PCBP3: variants seen among roughly 807,000 people sequenced by gnomAD.
PCBP3 encodes poly(rC)-binding protein 3.
Under a neutral mutation model 52.7 loss-of-function variants are expected in PCBP3, and 25 were observed. The observed-to-expected ratio is 0.47, with a 90% confidence interval of 0.35 to 0.66. PCBP3 has a LOEUF of 0.66. Among genes scored for constraint, PCBP3 ranks in the 30% least tolerant of loss-of-function variants. PCBP3 has a pLI of 0.01. For synonymous variants in PCBP3, 162 were observed against 183.0 expected (o/e 0.89, Z 0.93); for missense variants, 391 against 490.3 (o/e 0.80, Z 1.91).
At chr21:45,718,470 C>T (rs1329813554) in intron 2 of PCBP3, among the ~76,000 whole-genome samples, 1 of 151,884 alleles carries the variant, frequency 6.6e-6, no homozygotes, top group Non-Finnish European at 1.5e-5. Context: ...GTGTTTACAG[C>T]TTCGAAAGAC....
At position 45,708,596 on chromosome 21, in the gene PCBP3, G is replaced by T. The variant is rs2083610744; in HGVS notation, c.-199-26796G>T. 4.6e-5 allele frequency among the ~76,000 whole-genome samples: 7 copies of T among 152,172 alleles called. No individual in the cohort carries two copies. In the South Asian group the frequency reaches 1.4e-3, roughly 31 times the overall value. On this transcript the variant is annotated intron_variant, in intron 2 of 17. Transcript: ENST00000681687. ...ATATAAGCAAACTTCATGAGATAAAGAAATAAAAATCAATGTCTCATTTAA... is the reference window on the plus strand; with the variant it reads ...ATATAAGCAAACTTCATGAGATAAATAAATAAAAATCAATGTCTCATTTAA...
intron 5 of PCBP3, among the ~76,000 whole-genome samples, chr21:45,894,782 C>T (rs559723944): frequency 8.5e-5 from 13 of 152,320 alleles, no homozygotes; most frequent in East Asian, 7.7e-4. Flanking sequence ...CACAGTGCAG[C>T]GAGAGCATTC....
In PCBP3 at chr21:45,900,501, T is replaced by C. The variant is rs1014574766; in HGVS notation, c.190-90T>C. ...CAGGAGGCTCTGCTGTGTGGGCGTA[T>C]GGGCCAGGCTGCTCCCCACCCACCA... is the stretch of plus-strand genomic sequence containing the variant. On this transcript the variant is annotated intron_variant, in intron 7 of 17. Coordinates refer to ENST00000681687, the MANE Select transcript of PCBP3 (RefSeq NM_001384156.1). 1.2e-5 allele frequency: 12 copies of C among 968,780 alleles called. No individual in the cohort carries two copies. In the Admixed American group the frequency reaches 1.7e-4, roughly 14 times the overall value. 60.0% of individuals were successfully genotyped at this position (968,780 alleles called of 1,614,324 possible). A position where few individuals can be genotyped will look rare whatever the true frequency, so the allele number is the denominator to read the frequency against.
At chr21:45,655,015 A>C (rs2079925400) in intron 1 of PCBP3, among the ~76,000 whole-genome samples, 1 of 152,060 alleles carries the variant, frequency 6.6e-6, no homozygotes. Flanking sequence ...TAACATTTTC[A>C]AGCTTTATCC....
At chr21:45,910,047 C>G (rs1285012995) in intron 10 of PCBP3, among the ~76,000 whole-genome samples, 1 of 23,438 alleles carries the variant, frequency 4.3e-5, no homozygotes, top group Non-Finnish European at 7.9e-5. Context: ...ATATGGACCC[C>G]CCCCACCACT....
chr21:45,824,081 G>T (rs1236017541), intron 4 of PCBP3, among the ~76,000 whole-genome samples: 1 of 152,176 alleles, frequency 6.6e-6, no homozygotes, highest in Non-Finnish European at 1.5e-5. Flanking sequence ...AATTTATAAT[G>T]TGTCTTTAGT....
intron 2 of PCBP3, among the ~76,000 whole-genome samples, chr21:45,698,003 A>G (rs547056557): frequency 6.6e-6 from 1 of 152,210 alleles, no homozygotes; most frequent in African/African-American, 2.4e-5. Flanking sequence ...CACCTTCCCT[A>G]CACACTACTT....
chr21:45,911,204 G>C, intron 11 of PCBP3, 174 bp downstream of exon 11: 1 of 725,688 alleles, frequency 1.4e-6, no homozygotes, highest in East Asian at 2.7e-5. Flanking sequence ...GGCGCCACAG[G>C]GGTGCTGGGG....
At chr21:45,883,018 A>G (rs1465912322) in intron 5 of PCBP3, among the ~76,000 whole-genome samples, 2 of 152,140 alleles carry the variant, frequency 1.3e-5, no homozygotes, top group Non-Finnish European at 2.9e-5. Flanking sequence ...TCTCTCTTCA[A>G]ATGTGTGTGT....
chr21:45,667,720 T>C (rs996075843), intron 1 of PCBP3, among the ~76,000 whole-genome samples: 6 of 152,208 alleles, frequency 3.9e-5, no homozygotes, highest in African/African-American at 1.4e-4. Flanking sequence ...CATATTTTCC[T>C]GTTTCTTTGT....
chr21:45,769,126 C>T (rs932682137), intron 4 of PCBP3, among the ~76,000 whole-genome samples: 5 of 152,228 alleles, frequency 3.3e-5, no homozygotes, highest in African/African-American at 4.8e-5. Context: ...TCATTTGTTT[C>T]TCCACTGAAT....
rs559378661 is a variant in PCBP3 at position 45,938,868 on chromosome 21, T to G, written c.910-1162T>G. On this transcript the variant is annotated intron_variant, in intron 16 of 17. Transcript: ENST00000681687. Reference sequence around the variant, plus strand: ...CATAGGTCTCCTCAGGGACAAGGGCTGGCTGGCAGGGCACCTGTGTCCCAC... The same window carrying G: ...CATAGGTCTCCTCAGGGACAAGGGCGGGCTGGCAGGGCACCTGTGTCCCAC... Among the ~76,000 whole-genome samples the G allele has an allele frequency of 3.9e-5, 6 of 152,332 alleles. No homozygotes were observed. The East Asian group carries it at 1.2e-3, about 29-fold the overall frequency.
chr21:45,820,296 T>C (rs2093093151), intron 4 of PCBP3, among the ~76,000 whole-genome samples: 1 of 152,276 alleles, frequency 6.6e-6, no homozygotes, highest in Non-Finnish European at 1.5e-5. Flanking sequence ...ACACCTTTGC[T>C]GCCTGTGAGG....
chr21:45,825,135 T>C (rs2093272773), intron 4 of PCBP3, among the ~76,000 whole-genome samples: 1 of 151,960 alleles, frequency 6.6e-6, no homozygotes, highest in Non-Finnish European at 1.5e-5. Context: ...ACACAGGAGG[T>C]AGCTGTGATG....
intron 13 of PCBP3, chr21:45,919,309 C>T (rs1353281243): frequency 6.6e-6 from 1 of 152,252 alleles, no homozygotes; most frequent in Non-Finnish European, 1.5e-5. Context: ...GCGAGAGGCG[C>T]CTCTGAGCTG....
rs140703877 is a variant in PCBP3, at chr21:45,889,079, T to C, written c.11-7129T>C. Among the ~76,000 whole-genome samples the C allele has an allele frequency of 3.7e-3, 568 of 152,364 alleles. 6 individuals carry two copies. The highest frequency in any genetic ancestry group is 0.013 in the African/African-American group (536 of 41,596). ...AAGTAAAGAAAGGAATCTTTCGTTC[T>C]GGCCCGTGCACTGTTGCATGACTGG... On this transcript the variant is annotated intron_variant, in intron 5 of 17. Transcript: ENST00000681687.
At chr21:45,901,449 C>A in intron 9 of PCBP3, 1 of 304,348 alleles carries the variant, frequency 3.3e-6, no homozygotes, top group South Asian at 3.4e-5. Context: ...CTGGCTGACC[C>A]TTGGGCCACA....
intron 2 of PCBP3, among the ~76,000 whole-genome samples, chr21:45,687,693 A>G (rs968969589): frequency 2.8e-4 from 42 of 152,196 alleles, no homozygotes; most frequent in African/African-American, 1.0e-3. Context: ...TGAAAAAGAT[A>G]TACCATGCAA....
At chr21:45,659,153 G>GT (rs1177800692) in intron 1 of PCBP3, among the ~76,000 whole-genome samples, 1 of 148,326 alleles carries the variant, frequency 6.7e-6, no homozygotes, top group Non-Finnish European at 1.5e-5. Context: ...TCGAATATTT[G>GT]TTTTTTTCTT....
Sources: allele counts gnomAD v4.1 joint callset (sites outside exome capture counted in the v4.1 genomes callset), GRCh38; gene constraint gnomAD v4.1.1; transcripts MANE v1.5; gene names NCBI Gene and HGNC (gene_info 2026-07-23, HGNC 2026-07-21).